EIF3H: variants seen among roughly 807,000 people sequenced by gnomAD.
EIF3H encodes eukaryotic translation initiation factor 3 subunit H.
In EIF3H, 26 loss-of-function variants were observed where a neutral mutation model predicts 44.2. The ratio of observed to expected loss-of-function variants is 0.59; its 90% CI spans 0.43 to 0.82. EIF3H has a LOEUF of 0.82. Ranked by LOEUF, EIF3H falls within the 40% of genes least tolerant of loss-of-function variation. EIF3H has a pLI of 0.00. For missense variants in EIF3H, 359 were observed against 432.8 expected (o/e 0.83, Z 1.51); for synonymous variants, 166 against 151.9 (o/e 1.09, Z -0.68).
At chr8:116,653,983 T>C (rs969130485) in intron 5 of EIF3H, among the ~76,000 whole-genome samples, 1 of 152,218 alleles carries the variant, frequency 6.6e-6, no homozygotes. Flanking sequence ...ATACAAACTT[T>C]TATGGCAACT....
At chr8:116,666,806 G>T (rs1813677067) in intron 2 of EIF3H, among the ~76,000 whole-genome samples, 1 of 139,490 alleles carries the variant, frequency 7.2e-6, no homozygotes, top group Non-Finnish European at 1.5e-5. Flanking sequence ...CTTTCATGAG[G>T]ACAAGTAACA....
chr8:116,695,107 C>T (rs1228683321), intron 2 of EIF3H, among the ~76,000 whole-genome samples: 2 of 144,410 alleles, frequency 1.4e-5, no homozygotes, highest in Non-Finnish European at 3.0e-5. Flanking sequence ...CTCACCCTGT[C>T]GCCCAGGCTG....
At chr8:116,668,490 CAA>C (rs780745070) in intron 2 of EIF3H, among the ~76,000 whole-genome samples, 14 of 152,166 alleles carry the variant, frequency 9.2e-5, no homozygotes, top group South Asian at 4.1e-4. Flanking sequence ...TACATAGTGA[CAA>C]AAGTTTTCTG....
intron 2 of EIF3H, among the ~76,000 whole-genome samples, chr8:116,680,208 G>GT (rs1344785320): frequency 1.5e-5 from 1 of 65,344 alleles, no homozygotes; most frequent in Non-Finnish European, 4.1e-5. Flanking sequence ...TGGGGGGGGG[G>GT]GTCAGCCCCC....
At chr8:116,714,304 T>G (rs528104728) in intron 2 of EIF3H, among the ~76,000 whole-genome samples, 21 of 152,218 alleles carry the variant, frequency 1.4e-4, no homozygotes, top group Admixed American at 3.9e-4. Flanking sequence ...TCACCTCTCC[T>G]GTGAAGTCAT....
At chr8:116,738,936 T>C (rs1414864088) in intron 1 of EIF3H, among the ~76,000 whole-genome samples, 1 of 152,240 alleles carries the variant, frequency 6.6e-6, no homozygotes, top group Non-Finnish European at 1.5e-5. Context: ...TAAATACAGT[T>C]CAATTAAATT....
At chr8:116,685,771 C>T (rs993676334) in intron 2 of EIF3H, among the ~76,000 whole-genome samples, 1 of 152,152 alleles carries the variant, frequency 6.6e-6, no homozygotes, top group African/African-American at 2.4e-5. Context: ...TAAACAGCAA[C>T]AACCAAATTC....
chr8:116,763,693 T>G (rs2131014806), intron 1 of EIF3H, among the ~76,000 whole-genome samples: 1 of 152,332 alleles, frequency 6.6e-6, no homozygotes, highest in South Asian at 2.1e-4. Context: ...TAGATAATGT[T>G]AGGTAGAAAT....
chr8:116,745,721 G>A lies in EIF3H; in HGVS notation c.132+9945C>T, dbSNP rs560441871. Among the ~76,000 whole-genome samples the A allele has an allele frequency of 1.3e-4, 20 of 152,042 alleles. No individual in the cohort carries two copies. The East Asian group carries it at 3.5e-3, about 26-fold the overall frequency. On this transcript the variant is annotated intron_variant, in intron 1 of 7. Transcript: ENST00000521861. Reference sequence around the variant, plus strand: ...TGGGGCGGGTGGATTGCTTGAGGCCGGGAGTTCAAGACCAGTCTGGCCAAC... The same window carrying A: ...TGGGGCGGGTGGATTGCTTGAGGCCAGGAGTTCAAGACCAGTCTGGCCAAC...
chr8:116,720,724 G>A (rs1225224593), intron 2 of EIF3H, among the ~76,000 whole-genome samples: 1 of 152,104 alleles, frequency 6.6e-6, no homozygotes, highest in Non-Finnish European at 1.5e-5. Context: ...TCCAGGCTGA[G>A]GTGATCTCAG....
intron 2 of EIF3H, among the ~76,000 whole-genome samples, chr8:116,691,499 T>A (rs1159601865): frequency 6.6e-6 from 1 of 152,114 alleles, no homozygotes; most frequent in Non-Finnish European, 1.5e-5. Context: ...TACCATGTTC[T>A]TCAGTCATCT....
At chr8:116,706,588 G>A (rs551530855) in intron 2 of EIF3H, among the ~76,000 whole-genome samples, 1 of 152,258 alleles carries the variant, frequency 6.6e-6, no homozygotes, top group African/African-American at 2.4e-5. Flanking sequence ...AGGCTGGAGT[G>A]CAGTGGCACC....
chr8:116,733,586 T>C (rs546669162), intron 1 of EIF3H, among the ~76,000 whole-genome samples: 1 of 152,208 alleles, frequency 6.6e-6, no homozygotes, highest in South Asian at 2.1e-4. Context: ...ATATTTCATG[T>C]ATTTCAAGGC....
chr8:116,663,244 G>A (rs1586438816), intron 2 of EIF3H, among the ~76,000 whole-genome samples: 1 of 152,162 alleles, frequency 6.6e-6, no homozygotes, highest in Admixed American at 6.5e-5. Context: ...GGAAAAAGGA[G>A]GAGGAAAAGA....
At position 116,646,504 on chromosome 8, in the gene EIF3H, G is replaced by T. The variant is rs1813302401; in HGVS notation, c.928C>A (p.Pro310Thr). The T allele has an allele frequency of 6.2e-7, 1 of 1,614,086 alleles. No homozygotes were observed. Among genetic ancestry groups the T allele is most frequent in the Non-Finnish European group, 8.5e-7 (1 of 1,180,042 alleles). The change falls in exon 7 of 8, where the codon CCG becomes ACG. Residue 310 changes from proline (P) to threonine (T), a missense_variant. Physicochemically the swap from Pro to Thr is conservative, Grantham distance 38 (BLOSUM62 -1). This residue lies in a region of EIF3H where 94 missense variants were observed against 96.0 expected (regional missense o/e 0.98). Coordinates refer to ENST00000521861, the MANE Select transcript of EIF3H (RefSeq NM_003756.3). ...DLSKLFKPPQ[P>T]PARMDSLLIA... ...AGCAGCGAGTCCATCCTGGCAGGCG[G>T]CTGTGGTGGTTTGAAGAGTTTGGAC... is the stretch of plus-strand genomic sequence containing the variant.
chr8:116,703,779 G>A (rs965489045), intron 2 of EIF3H, among the ~76,000 whole-genome samples: 4 of 152,022 alleles, frequency 2.6e-5, no homozygotes, highest in Admixed American at 6.5e-5. Context: ...GGCCACTACC[G>A]GTCTCCACAT....
chr8:116,763,298 T>C (rs1264569003), intron 1 of EIF3H, among the ~76,000 whole-genome samples: 2 of 152,194 alleles, frequency 1.3e-5, no homozygotes, highest in African/African-American at 4.8e-5. Flanking sequence ...TATATGCATA[T>C]GATATATCAA....
chr8:116,673,230 C>T (rs1008625931), intron 2 of EIF3H, among the ~76,000 whole-genome samples: 12 of 152,122 alleles, frequency 7.9e-5, no homozygotes, highest in African/African-American at 2.4e-4. Context: ...TGGTCACTGC[C>T]GGAGGATCCT....
intron 1 of EIF3H, among the ~76,000 whole-genome samples, chr8:116,739,623 C>T (rs576401310): frequency 6.6e-6 from 1 of 152,328 alleles, no homozygotes; most frequent in East Asian, 1.9e-4. Context: ...GCACTCCAGC[C>T]TGGGCAACAG....
Sources: allele counts gnomAD v4.1 joint callset (sites outside exome capture counted in the v4.1 genomes callset), GRCh38; gene constraint gnomAD v4.1.1; regional missense constraint gnomAD v4.1.1; transcripts MANE v1.5; gene names NCBI Gene and HGNC (gene_info 2026-07-23, HGNC 2026-07-21).